KLRD1: variants seen among roughly 807,000 people sequenced by gnomAD.
KLRD1 encodes natural killer cells antigen CD94.
Under a neutral mutation model 22.6 loss-of-function variants are expected in KLRD1, and 21 were observed. That is an observed-to-expected ratio of 0.93 (90% CI 0.66 to 1.34). The LOEUF is 1.34. KLRD1 is among the 40% of genes most tolerant of loss of function. KLRD1 has a pLI of 0.00. For synonymous variants in KLRD1, 59 were observed against 71.1 expected (o/e 0.83, Z 0.85); for missense variants, 183 against 208.6 (o/e 0.88, Z 0.76).
At chr12:10,301,243 CTT>C (rs1430719836), upstream of KLRD1, among the ~76,000 whole-genome samples, 1 of 152,142 alleles carries the variant, frequency 6.6e-6, no homozygotes, top group Non-Finnish European at 1.5e-5. Flanking sequence ...TGTCAGAAGA[CTT>C]TTTTCTTTTT....
intron 1 of KLRD1, among the ~76,000 whole-genome samples, chr12:10,255,119 AAGG>A (rs1249655461): frequency 5.3e-5 from 7 of 132,374 alleles, no homozygotes; most frequent in East Asian, 2.8e-4. Flanking sequence ...ATGCAGAGAA[AAGG>A]GAATATTTAT....
chr12:10,284,158 C>CACT (rs1949676436), intron 1 of KLRD1, among the ~76,000 whole-genome samples: 1 of 151,982 alleles, frequency 6.6e-6, no homozygotes, highest in African/African-American at 2.4e-5. Context: ...TGCACTCCAG[C>CACT]CTGGGTGACA....
At position 10,322,925 on chromosome 12, in the gene KLRD1, G is replaced by A. The variant is rs1950324316; in HGVS notation, c.*8132G>A. The A allele has an allele frequency of 6.6e-6, 1 of 152,154 alleles. No homozygotes were observed. The highest frequency in any genetic ancestry group is 1.5e-5 in the Non-Finnish European group (1 of 68,034). 9.4% of individuals were successfully genotyped at this position (152,154 alleles called of 1,614,324 possible). On this transcript the variant is annotated 3_prime_UTR_variant, in exon 6 of 6. Transcript: ENST00000336164. ...TTAATTTCATATAAATGGAAGCTTA[G>A]CATGTATGATCTTTGTGGCTTCTGT...
chr12:10,277,157 G>A (rs1453618037), intron 1 of KLRD1, among the ~76,000 whole-genome samples: 1 of 141,290 alleles, frequency 7.1e-6, no homozygotes, highest in African/African-American at 2.7e-5. Flanking sequence ...ATATTCCAAA[G>A]GTAGAGGTGG....
intron 1 of KLRD1, among the ~76,000 whole-genome samples, chr12:10,257,085 GC>G (rs1949403111): frequency 6.7e-6 from 1 of 149,218 alleles, no homozygotes; most frequent in Non-Finnish European, 1.5e-5. Context: ...TTATCAAGGA[GC>G]CCTTGTTTGT....
At chr12:10,287,180 G>A (rs553098411) in intron 1 of KLRD1, among the ~76,000 whole-genome samples, 1 of 152,020 alleles carries the variant, frequency 6.6e-6, no homozygotes, top group Non-Finnish European at 1.5e-5. Flanking sequence ...TTATCTGTTT[G>A]TGTTTTTTTG....
At chr12:10,303,833 G>A (rs1048459732), upstream of KLRD1, among the ~76,000 whole-genome samples, 1 of 152,158 alleles carries the variant, frequency 6.6e-6, no homozygotes, top group African/African-American at 2.4e-5. Context: ...TGGTATGAGG[G>A]TGGCAAAGTT....
intron 1 of KLRD1, among the ~76,000 whole-genome samples, chr12:10,265,993 C>T (rs1949495495): frequency 6.6e-6 from 1 of 152,050 alleles, no homozygotes; most frequent in African/African-American, 2.4e-5. Context: ...TTTATATCAG[C>T]AAAAAAGATC....
chr12:10,287,844 C>T (rs973216113), intron 1 of KLRD1, among the ~76,000 whole-genome samples: 17 of 151,916 alleles, frequency 1.1e-4, no homozygotes, highest in Non-Finnish European at 1.6e-4. Context: ...CCGAGGCAGG[C>T]GGATCATGAG....
chr12:10,294,195 C>A (rs1397098518), intron 1 of KLRD1, among the ~76,000 whole-genome samples: 2 of 152,140 alleles, frequency 1.3e-5, no homozygotes, highest in Non-Finnish European at 2.9e-5. Context: ...GTTCTTTACT[C>A]TTGTCTTTTC....
chr12:10,252,617 G>A (rs1949355824), intron 1 of KLRD1, among the ~76,000 whole-genome samples: 1 of 152,154 alleles, frequency 6.6e-6, no homozygotes. Context: ...ATCATTAGTT[G>A]TCTTAAACAA....
chr12:10,301,479 C>T (rs936346045), upstream of KLRD1, among the ~76,000 whole-genome samples: 3 of 152,294 alleles, frequency 2.0e-5, no homozygotes, highest in South Asian at 6.2e-4. Context: ...CCTCCACAAT[C>T]CTTTAAAAAT....
upstream of KLRD1, among the ~76,000 whole-genome samples, chr12:10,306,264 ATGTG>A (rs201769542): frequency 1.0e-4 from 15 of 149,394 alleles, no homozygotes; most frequent in African/African-American, 2.5e-4. Flanking sequence ...GTGTGTGTGT[ATGTG>A]TGTGTGTGTG....
At chr12:10,289,004 G>A (rs1040178032) in intron 1 of KLRD1, among the ~76,000 whole-genome samples, 3 of 152,136 alleles carry the variant, frequency 2.0e-5, no homozygotes, top group Admixed American at 1.3e-4. Flanking sequence ...TTTACCTCCT[G>A]TGTCTCTTTT....
rs564047884 is a variant in KLRD1 at position 10,285,993 on chromosome 12, C to CAAT, written c.-100-21983_-100-21981dup. 7.9e-4 allele frequency among the ~76,000 whole-genome samples: 121 copies of CAAT among 152,300 alleles called. 2 individuals are homozygous for CAAT. In the South Asian group the frequency reaches 0.023, roughly 29 times the overall value. On this transcript the variant is annotated intron_variant, in intron 1 of 5. Coordinates refer to the KLRD1 transcript ENST00000544747. ...TGCCCAGGTAAATTGCTTCAACTCC[C>CAAT]AATATTGTTTGCAACAGCATCTTAC...
At position 10,318,286 on chromosome 12, in the gene KLRD1, A is replaced by G. The variant is rs1332864295; in HGVS notation, c.*3493A>G. 1 of 152,174 alleles carries G rather than the reference A, an allele frequency of 6.6e-6. No individual in the cohort carries two copies. The highest frequency in any genetic ancestry group is 1.5e-5 in the Non-Finnish European group (1 of 68,040). 9.4% of individuals were successfully genotyped at this position (152,174 alleles called of 1,614,324 possible). ...TTTATGGTGAGTTCTTTAAAGTTCA[A>G]AATCCCTCAGTGGAATCCAGGGTCA... is the stretch of plus-strand genomic sequence containing the variant. On this transcript the variant is annotated 3_prime_UTR_variant, in exon 6 of 6. Transcript: ENST00000336164.
At chr12:10,250,814 CGTATTAAGGTA>C (rs1949339863) in intron 1 of KLRD1, among the ~76,000 whole-genome samples, 1 of 152,014 alleles carries the variant, frequency 6.6e-6, no homozygotes, top group Non-Finnish European at 1.5e-5. Flanking sequence ...AAATGGATAG[CGTATTAAGGTA>C]ATATAAAGGG....
chr12:10,284,372 G>A (rs1949679808), intron 1 of KLRD1, among the ~76,000 whole-genome samples: 1 of 152,138 alleles, frequency 6.6e-6, no homozygotes, highest in Admixed American at 6.5e-5. Context: ...GGGAATAGGT[G>A]TTTTGAACAA....
At chr12:10,312,140 C>T (rs1182103605) in intron 4 of KLRD1, among the ~76,000 whole-genome samples, 1 of 150,366 alleles carries the variant, frequency 6.7e-6, no homozygotes, top group African/African-American at 2.4e-5. Flanking sequence ...GCAGCCTCCA[C>T]CTCCTGGGTT....
Sources: allele counts gnomAD v4.1 joint callset (sites outside exome capture counted in the v4.1 genomes callset), GRCh38; gene constraint gnomAD v4.1.1; transcripts MANE v1.5; gene names NCBI Gene and HGNC (gene_info 2026-07-23, HGNC 2026-07-21).